Variants in DLG4 observed in about 807,000 individuals in gnomAD.
DLG4 encodes discs large MAGUK scaffold protein 4.
DLG4 carries 7 observed loss-of-function variants against 93.8 expected under a neutral mutation model. That is an observed-to-expected ratio of 0.07 (90% CI 0.04 to 0.14). The LOEUF (loss-of-function observed/expected upper bound fraction) is 0.14. Among genes scored for constraint, DLG4 ranks in the 10% least tolerant of loss-of-function variants. The pLI is 1.00. For synonymous variants in DLG4, 341 were observed against 387.6 expected, an observed-to-expected ratio of 0.88 and a Z score of 1.41; for missense variants, 545 against 992.9, an observed-to-expected ratio of 0.55 and a Z score of 6.06.
rs183855572 is a variant in DLG4, at chr17:7,197,247, G to A, written c.788-195C>T. On this transcript the variant is annotated intron_variant, in intron 8 of 19. Coordinates refer to ENST00000399506, the MANE Select transcript of DLG4 (RefSeq NM_001321075.3). Reference sequence around the variant, plus strand: ...TCAGGAATTTATAGGTGACATCAGAGGCTGGTTGTCCTAGGGGATAAAGGA... The same window carrying A: ...TCAGGAATTTATAGGTGACATCAGAAGCTGGTTGTCCTAGGGGATAAAGGA... Among the ~76,000 whole-genome samples the A allele has an allele frequency of 2.0e-4, 31 of 152,210 alleles. No individual in the cohort carries two copies. In the East Asian group the frequency reaches 5.2e-3, roughly 26 times the overall value.
At position 7,195,018 on chromosome 17, in the gene DLG4, C is replaced by CA. The variant is rs1336744487; in HGVS notation, c.1302-524dup. Among the ~76,000 whole-genome samples, 888 of 71,906 alleles carry CA rather than the reference C, an allele frequency of 0.012. 9 individuals are homozygous for CA. The highest frequency in any genetic ancestry group is 0.035 in the African/African-American group (658 of 18,894). The allele number at this position is 71,906 out of a possible 152,430, so 47.2% of individuals were successfully genotyped here. A position where few individuals can be genotyped will look rare whatever the true frequency, so the allele number is the denominator to read the frequency against. On this transcript the variant is annotated intron_variant, in intron 11 of 19. Coordinates refer to ENST00000399506, the MANE Select transcript of DLG4 (RefSeq NM_001321075.3). This position sits in a 1 kb window ranked among gnomAD's most constrained non-coding sequence, Gnocchi z 4.3. ...TGGGCAACGGAGCGAGACACCGTCT[C>CA]AAAAAAAAAAAAAAAGAAAAAGAAA... is the stretch of plus-strand genomic sequence containing the variant.
At chr17:7,213,256 C>T (rs1028476896) in intron 1 of DLG4, among the ~76,000 whole-genome samples, 3 of 151,972 alleles carry the variant, frequency 2.0e-5, no homozygotes, top group Admixed American at 2.0e-4. Flanking sequence ...CGCCACTACG[C>T]CCGGCTAATT....
chr17:7,191,590 C>T lies in DLG4; in HGVS notation c.1977-232G>A, dbSNP rs915240014. 15 of 597,372 alleles carry T rather than the reference C, an allele frequency of 2.5e-5. No homozygotes were observed. The highest frequency in any genetic ancestry group is 4.5e-5 in the Non-Finnish European group (15 of 336,126). 37.0% of individuals were successfully genotyped at this position (597,372 alleles called of 1,614,324 possible). A position where few individuals can be genotyped will look rare whatever the true frequency, so the allele number is the denominator to read the frequency against. On this transcript the variant is annotated intron_variant, in intron 18 of 19. Coordinates refer to ENST00000399506, the MANE Select transcript of DLG4 (RefSeq NM_001321075.3). This position sits in a 1 kb window ranked among gnomAD's most constrained non-coding sequence, Gnocchi z 6.6. ...CCAGGGACATCTACGGAGCTTCATC[C>T]TTCCAGCCTTCAGCCCCAGAGATGG...
intron 2 of DLG4, among the ~76,000 whole-genome samples, chr17:7,205,555 A>G (rs1387168543): frequency 2.0e-5 from 3 of 152,122 alleles, no homozygotes; most frequent in Non-Finnish European, 4.4e-5. Flanking sequence ...TCAAGCCTAC[A>G]AACTACCGAC....
chr17:7,191,505 G>C lies in DLG4; in HGVS notation c.1977-147C>G. 1.4e-6 allele frequency: 1 copy of C among 715,794 alleles called. No homozygotes were observed. The highest frequency in any genetic ancestry group is 2.4e-6 in the Non-Finnish European group (1 of 424,798). 44.3% of individuals were successfully genotyped at this position (715,794 alleles called of 1,614,324 possible). A position where few individuals can be genotyped will look rare whatever the true frequency, so the allele number is the denominator to read the frequency against. ...ATTCCCAATATCCTCTGGGGCCACA[G>C]ATGAGAACCACCCCCCACCCCCCTG... On this transcript the variant is annotated intron_variant, in intron 18 of 19. Coordinates refer to ENST00000399506, the MANE Select transcript of DLG4 (RefSeq NM_001321075.3). The surrounding 1 kb of genome is among the most constrained non-coding windows in gnomAD (Gnocchi z 6.6).
Position 7,190,528 on chromosome 17 carries a change from G to T in DLG4, c.*180C>A. ...CTGGCGTTCAGGAGCCCAGTTCTGG[G>T]GTGCGGGGATACATGCAGAGGAGTG... On this transcript the variant is annotated 3_prime_UTR_variant, in exon 20 of 20. Coordinates refer to ENST00000399506, the MANE Select transcript of DLG4 (RefSeq NM_001321075.3). The T allele has an allele frequency of 1.7e-6, 1 of 598,612 alleles. No homozygotes were observed. The highest frequency in any genetic ancestry group is 1.9e-5 in the South Asian group (1 of 51,388). 37.1% of individuals were successfully genotyped at this position (598,612 alleles called of 1,614,324 possible). A position where few individuals can be genotyped will look rare whatever the true frequency, so the allele number is the denominator to read the frequency against.
Position 7,194,818 on chromosome 17 carries a change from T to G in DLG4, c.1302-323A>C, listed in dbSNP as rs1567529589. ...AGGCCAAGGCGGGCGGATCACAAGG[T>G]CAGGAGATTGAGACCATGGTGAAAC... is the stretch of plus-strand genomic sequence containing the variant. On this transcript the variant is annotated intron_variant, in intron 11 of 19. Coordinates refer to ENST00000399506, the MANE Select transcript of DLG4 (RefSeq NM_001321075.3). This position sits in a 1 kb window ranked among gnomAD's most constrained non-coding sequence, Gnocchi z 4.4. Among the ~76,000 whole-genome samples the G allele has an allele frequency of 6.6e-6, 1 of 151,314 alleles. No homozygotes were observed.
chr17:7,196,144 G>C lies in DLG4; in HGVS notation c.1301+76C>G. On this transcript the variant is annotated intron_variant, in intron 11 of 19. Coordinates refer to ENST00000399506, the MANE Select transcript of DLG4 (RefSeq NM_001321075.3). This position sits in a 1 kb window ranked among gnomAD's most constrained non-coding sequence, Gnocchi z 8.3. ...AGCAGGCAGGGTGGAGAAGAGGAGC[G>C]GCTGAGGCCCGGGCCAGGCACAGAG... is the stretch of plus-strand genomic sequence containing the variant. The C allele has an allele frequency of 8.9e-7, 1 of 1,124,160 alleles. No homozygotes were observed. The highest frequency in any genetic ancestry group is 2.5e-5 in the East Asian group (1 of 40,410). 69.6% of individuals were successfully genotyped at this position (1,124,160 alleles called of 1,614,324 possible).
Position 7,191,607 on chromosome 17 carries a change from CAG to C in DLG4, c.1977-251_1977-250del. On this transcript the variant is annotated intron_variant, in intron 18 of 19. Transcript: ENST00000399506. The surrounding 1 kb of genome is among the most constrained non-coding windows in gnomAD (Gnocchi z 6.6). ...GCTTCATCCTTCCAGCCTTCAGCCC[CAG>C]AGATGGGATTCGGACTCCAATTCCC... 1.7e-6 allele frequency: 1 copy of C among 595,260 alleles called. No homozygotes were observed. Among genetic ancestry groups the C allele is most frequent in the East Asian group, 2.8e-5 (1 of 36,222 alleles). The allele number at this position is 595,260 out of a possible 1,614,324, so 36.9% of individuals were successfully genotyped here. A position where few individuals can be genotyped will look rare whatever the true frequency, so the allele number is the denominator to read the frequency against.
intron 8 of DLG4, among the ~76,000 whole-genome samples, chr17:7,198,140 C>A (rs1267881418): frequency 6.6e-6 from 1 of 152,118 alleles, no homozygotes; most frequent in Non-Finnish European, 1.5e-5. Flanking sequence ...GTATCAAGGA[C>A]TGCAAAATGG....
intron 8 of DLG4, among the ~76,000 whole-genome samples, chr17:7,199,775 A>G (rs112398170): frequency 0.075 from 11,442 of 151,786 alleles, 1,436 homozygotes; most frequent in African/African-American, 0.26. Flanking sequence ...TCAGGAGATC[A>G]AGACCATCCT....
At chr17:7,219,921 T>TGGGCGTGCAGGACGC (rs6145976), upstream of DLG4, 876,564 of 1,554,922 alleles carry the variant, frequency 0.56, 250,780 homozygotes, top group Middle Eastern at 0.63. Flanking sequence ...CGCCAGGACG[T>TGGGCGTGCAGGACGC]GGGCGTGCAG....
intron 1 of DLG4, among the ~76,000 whole-genome samples, chr17:7,215,320 A>C (rs2070864035): frequency 6.6e-6 from 1 of 152,208 alleles, no homozygotes; most frequent in Non-Finnish European, 1.5e-5. Flanking sequence ...CCATGGAAGA[A>C]GTAGGAGTCT....
Position 7,194,194 on chromosome 17 carries a change from G to C in DLG4, c.1478+125C>G, listed in dbSNP as rs2069649703. ...CTCATGGGAGCCACGGACCCCAGGA[G>C]GGCCCAACAGACAAACCCCTAGGAG... On this transcript the variant is annotated intron_variant, in intron 12 of 19. Coordinates refer to ENST00000399506, the MANE Select transcript of DLG4 (RefSeq NM_001321075.3). This position sits in a 1 kb window ranked among gnomAD's most constrained non-coding sequence, Gnocchi z 4.4. 2.9e-6 allele frequency: 4 copies of C among 1,378,464 alleles called. No individual in the cohort carries two copies. Among genetic ancestry groups the C allele is most frequent in the South Asian group, 2.8e-5 (2 of 70,462 alleles). The allele number at this position is 1,378,464 out of a possible 1,614,324, so 85.4% of individuals were successfully genotyped here.
In DLG4 at chr17:7,208,092, G is replaced by C; in HGVS notation, c.96+82C>G. 1 of 1,316,776 alleles carries C rather than the reference G, an allele frequency of 7.6e-7. No individual in the cohort carries two copies. The highest frequency in any genetic ancestry group is 9.8e-7 in the Non-Finnish European group (1 of 1,023,882). The allele number at this position is 1,316,776 out of a possible 1,614,324, so 81.6% of individuals were successfully genotyped here. A position where few individuals can be genotyped will look rare whatever the true frequency, so the allele number is the denominator to read the frequency against. Reference sequence around the variant, plus strand: ...TCTCCTACCTTGAAGGGGGAGAGGTGGGCGTGGCCCACGACCCCGTGGCCA... The same window carrying C: ...TCTCCTACCTTGAAGGGGGAGAGGTCGGCGTGGCCCACGACCCCGTGGCCA... On this transcript the variant is annotated intron_variant, in intron 2 of 19. Transcript: ENST00000399506. The surrounding 1 kb of genome is among the most constrained non-coding windows in gnomAD (Gnocchi z 5.4).
chr17:7,191,552 A>G lies in DLG4; in HGVS notation c.1977-194T>C. ...CCTGCCACCCGCAACCGCCCCAGCC[A>G]GGTGTGGCTACTCCAGGGACATCTA... On this transcript the variant is annotated intron_variant, in intron 18 of 19. Transcript: ENST00000399506. This position sits in a 1 kb window ranked among gnomAD's most constrained non-coding sequence, Gnocchi z 6.6. 1 of 588,186 alleles carries G rather than the reference A, an allele frequency of 1.7e-6. No homozygotes were observed. The highest frequency in any genetic ancestry group is 3.0e-6 in the Non-Finnish European group (1 of 332,090). The allele number at this position is 588,186 out of a possible 1,614,324, so 36.4% of individuals were successfully genotyped here. A position where few individuals can be genotyped will look rare whatever the true frequency, so the allele number is the denominator to read the frequency against.
Position 7,193,801 on chromosome 17 carries a change from A to G in DLG4, c.1543+43T>C. 6.2e-7 allele frequency: 1 copy of G among 1,612,414 alleles called. No homozygotes were observed. The highest frequency in any genetic ancestry group is 8.5e-7 in the Non-Finnish European group (1 of 1,179,232). ...CCCTTGAGGATATCAAAAGCAACTC[A>G]GTGCTCCTCTCACCCACATCTTCCC... On this transcript the variant is annotated intron_variant, in intron 14 of 19. Coordinates refer to ENST00000399506, the MANE Select transcript of DLG4 (RefSeq NM_001321075.3). The surrounding 1 kb of genome is among the most constrained non-coding windows in gnomAD (Gnocchi z 6.7).
chr17:7,196,424 T>C lies in DLG4; in HGVS notation c.1186+49A>G. 1 of 1,609,852 alleles carries C rather than the reference T, an allele frequency of 6.2e-7. No individual in the cohort carries two copies. On this transcript the variant is annotated intron_variant, in intron 10 of 19. Coordinates refer to ENST00000399506, the MANE Select transcript of DLG4 (RefSeq NM_001321075.3). This position sits in a 1 kb window ranked among gnomAD's most constrained non-coding sequence, Gnocchi z 8.3. ...ACTGAAGCCATCAGCTGAGGAAGAG[T>C]TCTAAGGGCCATTTCAGCTCACAAG...
upstream of DLG4, chr17:7,219,828 G>A (rs1196009154): frequency 1.3e-6 from 2 of 1,534,878 alleles, no homozygotes; most frequent in Admixed American, 4.0e-5. Flanking sequence ...CCGGGCTCCA[G>A]GGAACTACAG....
Sources: allele counts gnomAD v4.1 joint callset (sites outside exome capture counted in the v4.1 genomes callset), GRCh38; gene constraint gnomAD v4.1.1; non-coding constraint Gnocchi (gnomAD v3.1); transcripts MANE v1.5; gene names NCBI Gene and HGNC (gene_info 2026-07-23, HGNC 2026-07-21).